Variants in ZRANB3 observed in about 807,000 individuals in gnomAD.
ZRANB3 encodes DNA annealing helicase and endonuclease ZRANB3.
In ZRANB3, 125 loss-of-function variants were observed where a neutral mutation model predicts 133.8. The ratio of observed to expected loss-of-function variants is 0.93; its 90% CI spans 0.81 to 1.08. The LOEUF (loss-of-function observed/expected upper bound fraction) is 1.08, where lower values mean the gene tolerates loss of function less well. ZRANB3 is among the 50% of genes least tolerant of loss of function. The pLI is 0.00. For synonymous variants in ZRANB3, 387 were observed against 432.7 expected, an observed-to-expected ratio of 0.89 and a Z score of 1.31; for missense variants, 1,229 against 1,275.5, an observed-to-expected ratio of 0.96 and a Z score of 0.56.
chr2:135,471,519 T>C (rs10191231), intron 2 of ZRANB3, among the ~76,000 whole-genome samples: 2,306 of 152,292 alleles, frequency 0.015, 49 homozygotes, highest in African/African-American at 0.051. Context: ...GTTAAGAAAA[T>C]ATATAAATTG....
At chr2:135,326,679 A>T (rs1292927581) in intron 6 of ZRANB3, among the ~76,000 whole-genome samples, 1 of 151,954 alleles carries the variant, frequency 6.6e-6, no homozygotes, top group African/African-American at 2.4e-5. Context: ...AGGCGGGCAG[A>T]TCATGAGGTC....
intron 2 of ZRANB3, among the ~76,000 whole-genome samples, chr2:135,437,269 A>G (rs1210461492): frequency 6.6e-6 from 1 of 152,212 alleles, no homozygotes; most frequent in Non-Finnish European, 1.5e-5. Flanking sequence ...CTTGATATAG[A>G]ATTCCATATA....
intron 12 of ZRANB3, among the ~76,000 whole-genome samples, chr2:135,233,090 G>C (rs879448390): frequency 6.6e-6 from 1 of 152,166 alleles, no homozygotes; most frequent in Non-Finnish European, 1.5e-5. Flanking sequence ...ATGCAGAGAA[G>C]TCCTTAAAGG....
chr2:135,427,364 G>A (rs562235167), intron 2 of ZRANB3, among the ~76,000 whole-genome samples: 5 of 152,118 alleles, frequency 3.3e-5, no homozygotes, highest in African/African-American at 7.2e-5. Flanking sequence ...CTTAAGCAAC[G>A]CCACAGGATA....
chr2:135,327,330 A>G (rs189290621), intron 6 of ZRANB3, among the ~76,000 whole-genome samples: 3 of 152,270 alleles, frequency 2.0e-5, no homozygotes, highest in Admixed American at 2.0e-4. Context: ...TCTCCAGGAA[A>G]ACGAAAAAAG....
At chr2:135,325,093 C>T (rs1353583577) in intron 6 of ZRANB3, among the ~76,000 whole-genome samples, 1 of 152,140 alleles carries the variant, frequency 6.6e-6, no homozygotes, top group African/African-American at 2.4e-5. Context: ...TCTACAGATT[C>T]AATGCAATCT....
chr2:135,298,919 G>A (rs567049619), intron 8 of ZRANB3, among the ~76,000 whole-genome samples: 11 of 152,214 alleles, frequency 7.2e-5, no homozygotes, highest in South Asian at 2.1e-4. Flanking sequence ...GTTCTGAGTC[G>A]CTGTAATGGC....
At chr2:135,244,611 A>ATAAATAAATAAAT (rs1357256030) in intron 12 of ZRANB3, among the ~76,000 whole-genome samples, 1 of 150,558 alleles carries the variant, frequency 6.6e-6, no homozygotes, top group African/African-American at 2.4e-5. Flanking sequence ...CATCTCAAAA[A>ATAAATAAATAAAT]TAAATAAATA....
At chr2:135,453,194 T>C (rs1294291024) in intron 2 of ZRANB3, among the ~76,000 whole-genome samples, 1 of 152,216 alleles carries the variant, frequency 6.6e-6, no homozygotes, top group Non-Finnish European at 1.5e-5. Flanking sequence ...CTTTCAGCCA[T>C]GGCTGGAGTG....
intron 9 of ZRANB3, 122 bp downstream of exon 9, chr2:135,275,514 A>G: frequency 1.5e-6 from 1 of 684,928 alleles, no homozygotes; most frequent in East Asian, 3.4e-5. Context: ...AAAATGTGTG[A>G]TAATTTATAT....
chr2:135,473,186 C>T (rs1050526792), intron 2 of ZRANB3, among the ~76,000 whole-genome samples: 1 of 152,120 alleles, frequency 6.6e-6, no homozygotes, highest in African/African-American at 2.4e-5. Flanking sequence ...TGGTAGCCAC[C>T]TTCCATTTTC....
At chr2:135,324,854 G>C (rs2104838783) in intron 6 of ZRANB3, among the ~76,000 whole-genome samples, 1 of 152,066 alleles carries the variant, frequency 6.6e-6, no homozygotes, top group South Asian at 2.1e-4. Flanking sequence ...ATTTTTTCAT[G>C]TCTGTTGGCT....
intron 3 of ZRANB3, among the ~76,000 whole-genome samples, chr2:135,380,914 C>T (rs1289510620): frequency 6.6e-6 from 1 of 152,082 alleles, no homozygotes; most frequent in Non-Finnish European, 1.5e-5. Context: ...GTCTACAGCC[C>T]CTAGCATGAG....
Position 135,504,336 on chromosome 2 carries a change from T to C in ZRANB3, c.154A>G (p.Asn52Asp), listed in dbSNP as rs1026250927. Reference sequence around the variant, plus strand: ...GTCTTCAAAGAACTTTACCTGCCATTTCTTTTGAGGGCAAAAATGATGCCA... The same window carrying C: ...GTCTTCAAAGAACTTTACCTGCCATCTCTTTTGAGGGCAAAAATGATGCCA... ...KDGIIFALKR[N>D]GRCMVADEMG... The change falls in exon 2 of 21, where the codon AAT (asparagine) becomes GAT (aspartate). Residue 52 changes from asparagine (N) to aspartate (D), a missense_variant. Coordinates refer to ENST00000264159, the MANE Select transcript of ZRANB3 (RefSeq NM_032143.4). 3 of 1,613,426 alleles carry C rather than the reference T, an allele frequency of 1.9e-6. No individual in the cohort carries two copies. The highest frequency in any genetic ancestry group is 1.1e-5 in the South Asian group (1 of 90,998).
At chr2:135,463,461 A>G (rs1422559714) in intron 2 of ZRANB3, among the ~76,000 whole-genome samples, 1 of 151,304 alleles carries the variant, frequency 6.6e-6, no homozygotes, top group Admixed American at 6.6e-5. Flanking sequence ...CTTGATGCCC[A>G]GGCTGGAGTG....
At chr2:135,369,579 GT>G (rs1558948352) in intron 3 of ZRANB3, among the ~76,000 whole-genome samples, 8 of 151,366 alleles carry the variant, frequency 5.3e-5, no homozygotes, top group African/African-American at 2.0e-4. Flanking sequence ...TCTTACACTT[GT>G]TTTTTTAAAG....
At position 135,418,631 on chromosome 2, in the gene ZRANB3, A is replaced by T. The variant is rs541901420; in HGVS notation, c.162-27811T>A. The stretch of plus-strand genomic sequence containing the variant: ...AGGACTTATATATGGGTGGTACTTA[A>T]AACTATGAGAATGGATGATAGCCTC... On this transcript the variant is annotated intron_variant, in intron 2 of 20. Transcript: ENST00000264159. 9.2e-5 allele frequency among the ~76,000 whole-genome samples: 14 copies of T among 152,340 alleles called. No individual in the cohort carries two copies. In the East Asian group the frequency reaches 2.3e-3, roughly 25 times the overall value.
In ZRANB3 at chr2:135,219,084, C is replaced by A; in HGVS notation, c.2345G>T (p.Arg782Leu). Residue 782 changes from arginine (R) to leucine (L), a missense_variant, in exon 16 of 21, where the codon CGC becomes CTC. Transcript: ENST00000264159. ...ATTTAAAACTATTCTTACCAGTGAG[C>A]GATATTGTTTCAGCTGAAAGCTTGC... ...LPASFQLKQY[R>L]SLILRFVREW... is the part of the protein sequence containing the mutation. The A allele has an allele frequency of 2.0e-6, 3 of 1,495,974 alleles. No homozygotes were observed. Among genetic ancestry groups the A allele is most frequent in the South Asian group, 1.4e-5 (1 of 72,488 alleles). 92.7% of individuals were successfully genotyped at this position (1,495,974 alleles called of 1,614,324 possible). A position where few individuals can be genotyped will look rare whatever the true frequency, so the allele number is the denominator to read the frequency against.
chr2:135,226,177 G>T (rs1227172660), intron 14 of ZRANB3, among the ~76,000 whole-genome samples: 1 of 152,170 alleles, frequency 6.6e-6, no homozygotes, highest in East Asian at 1.9e-4. Flanking sequence ...ATTAATTCTT[G>T]ATAGCTATCA....
Sources: gnomAD v4.1 joint callset for allele counts (sites outside exome capture counted in the v4.1 genomes callset) on GRCh38, gnomAD v4.1.1 for gene constraint, MANE v1.5 for transcripts, NCBI Gene and HGNC (gene_info 2026-07-23, HGNC 2026-07-21) for gene names.